Variants in MTA3 observed in about 807,000 individuals in gnomAD.
MTA3 encodes the protein metastasis associated 1 family member 3.
In MTA3, 34 loss-of-function variants were observed where a neutral mutation model predicts 83.5. That is an observed-to-expected ratio of 0.41 (90% CI 0.31 to 0.54). The LOEUF (loss-of-function observed/expected upper bound fraction) is 0.54. Ranked by LOEUF, MTA3 falls within the 20% of genes least tolerant of loss-of-function variation. The pLI, the probability that MTA3 is intolerant of heterozygous loss-of-function variation, is 0.33. For synonymous variants in MTA3, 303 were observed against 252.7 expected (o/e 1.20, Z -1.89); for missense variants, 761 against 726.4 (o/e 1.05, Z -0.55).
At chr2:42,606,084 C>T (rs1683322283) in intron 3 of MTA3, among the ~76,000 whole-genome samples, 1 of 137,046 alleles carries the variant, frequency 7.3e-6, no homozygotes, top group Non-Finnish European at 1.6e-5. Flanking sequence ...CCCCCCCTCT[C>T]CCTCCCGGAC....
chr2:42,510,187 A>G (rs1473109319), intron 2 of MTA3, among the ~76,000 whole-genome samples: 2 of 151,844 alleles, frequency 1.3e-5, no homozygotes, highest in Non-Finnish European at 2.9e-5. Context: ...TTAGCTGGGC[A>G]TGGTGGCACA....
At chr2:42,548,057 T>C (rs1275392855) in intron 2 of MTA3, among the ~76,000 whole-genome samples, 1 of 152,180 alleles carries the variant, frequency 6.6e-6, no homozygotes, top group Non-Finnish European at 1.5e-5. Flanking sequence ...GTCAGCCCAG[T>C]TTGGAGGCCA....
chr2:42,640,214 T>C lies in MTA3; in HGVS notation c.359T>C (p.Val120Ala). 2 of 1,608,222 alleles carry C rather than the reference T, an allele frequency of 1.2e-6. No homozygotes were observed. The highest frequency in any genetic ancestry group is 2.2e-5 in the South Asian group (2 of 90,050). The change falls in exon 5 of 17, where the codon GTA becomes GCA. Residue 120 changes from valine (V) to alanine (A), a missense_variant. Transcript: ENST00000405094. ...SVALLNETES[V>A]LSYLDKEDTF... ...GCCCTTCTGAATGAGACAGAATCAG[T>C]ATTGTCATATCTTGATAAGGAGGTA...
intron 14 of MTA3, among the ~76,000 whole-genome samples, chr2:42,710,579 G>C (rs1162608445): frequency 6.9e-6 from 1 of 144,552 alleles, no homozygotes; most frequent in Non-Finnish European, 1.5e-5. Context: ...AAAAAAGAAA[G>C]TGGTAGCAAT....
chr2:42,541,120 C>T (rs1207176096), intron 2 of MTA3, among the ~76,000 whole-genome samples: 1 of 151,946 alleles, frequency 6.6e-6, no homozygotes, highest in African/African-American at 2.4e-5. Flanking sequence ...CAACCTCCGC[C>T]TCCCAGGTTC....
chr2:42,601,972 T>A (rs2104004410), intron 3 of MTA3, among the ~76,000 whole-genome samples: 1 of 152,298 alleles, frequency 6.6e-6, no homozygotes, highest in African/African-American at 2.4e-5. Context: ...CCTGAGTAGC[T>A]GGGATTACAG....
intron 2 of MTA3, among the ~76,000 whole-genome samples, chr2:42,525,001 A>C (rs1336382101): frequency 1.3e-5 from 2 of 148,688 alleles, no homozygotes; most frequent in Non-Finnish European, 3.0e-5. Flanking sequence ...GTACATGTGC[A>C]CAACGTGCTG....
At chr2:42,646,188 C>G (rs569755958) in intron 6 of MTA3, among the ~76,000 whole-genome samples, 1 of 152,290 alleles carries the variant, frequency 6.6e-6, no homozygotes, top group African/African-American at 2.4e-5. Context: ...AAAAAGGATT[C>G]CTTTAAAAAT....
intron 8 of MTA3, among the ~76,000 whole-genome samples, chr2:42,664,925 T>C (rs1487923340): frequency 1.3e-5 from 2 of 152,216 alleles, no homozygotes; most frequent in Admixed American, 1.3e-4. Flanking sequence ...TGTTTGCACA[T>C]CAGTAGTTCT....
chr2:42,497,604 A>T (rs929769350), intron 2 of MTA3, among the ~76,000 whole-genome samples: 1 of 151,170 alleles, frequency 6.6e-6, no homozygotes, highest in Non-Finnish European at 1.5e-5. Context: ...AAAAAAGTCC[A>T]GATTGTCTAT....
chr2:42,636,877 G>A (rs1029329411), intron 4 of MTA3, among the ~76,000 whole-genome samples: 2 of 152,094 alleles, frequency 1.3e-5, no homozygotes, highest in East Asian at 1.9e-4. Context: ...CGCCCGCATC[G>A]GCCTCCCAAA....
At chr2:42,518,392 CA>C (rs1341569173) in intron 2 of MTA3, among the ~76,000 whole-genome samples, 2 of 152,084 alleles carry the variant, frequency 1.3e-5, no homozygotes, top group African/African-American at 4.8e-5. Context: ...ACAAATAAAA[CA>C]ATGATTGGGA....
intron 11 of MTA3, 57 bp from the exon 12 acceptor site, chr2:42,704,137 A>C (rs1665859113): frequency 7.7e-6 from 12 of 1,552,046 alleles, no homozygotes; most frequent in Non-Finnish European, 1.1e-5. Context: ...AATGATATAG[A>C]GCTTTTTGCC....
At chr2:42,559,871 C>G (rs1677582818) in intron 2 of MTA3, among the ~76,000 whole-genome samples, 1 of 150,854 alleles carries the variant, frequency 6.6e-6, no homozygotes, top group East Asian at 1.9e-4. Flanking sequence ...GCACTCCAGC[C>G]TGGGCAACAA....
chr2:42,712,433 G>T (rs1280557451), intron 14 of MTA3, among the ~76,000 whole-genome samples: 2 of 152,204 alleles, frequency 1.3e-5, no homozygotes, highest in Non-Finnish European at 2.9e-5. Context: ...GTGGGACTAT[G>T]GGTGTGGCCC....
At chr2:42,739,571 G>A (rs2104579467) in intron 16 of MTA3, among the ~76,000 whole-genome samples, 1 of 152,264 alleles carries the variant, frequency 6.6e-6, no homozygotes, top group Admixed American at 6.5e-5. Context: ...GAAGCTTAGG[G>A]TAGCTGTGAC....
At chr2:42,656,147 G>A in intron 6 of MTA3, 53 bp from the exon 7 acceptor site, 2 of 1,316,514 alleles carry the variant, frequency 1.5e-6, no homozygotes, top group Non-Finnish European at 2.2e-6. Flanking sequence ...TCAGTGGTAT[G>A]AGACAGTATG....
chr2:42,508,039 C>G (rs1229441914), intron 2 of MTA3, among the ~76,000 whole-genome samples: 1 of 152,042 alleles, frequency 6.6e-6, no homozygotes, highest in South Asian at 2.1e-4. Context: ...CCCATTCTTG[C>G]TGGTTTCTGC....
chr2:42,696,849 A>G (rs974140845), intron 10 of MTA3, among the ~76,000 whole-genome samples: 1 of 152,238 alleles, frequency 6.6e-6, no homozygotes, highest in Non-Finnish European at 1.5e-5. Flanking sequence ...CAATATTAAT[A>G]TAATTCAAAA....
Sources: gnomAD v4.1 joint callset for allele counts (sites outside exome capture counted in the v4.1 genomes callset) on GRCh38, gnomAD v4.1.1 for gene constraint, MANE v1.5 for transcripts, NCBI Gene and HGNC (gene_info 2026-07-23, HGNC 2026-07-21) for gene names.